KAT6A: variants seen among roughly 807,000 people sequenced by gnomAD.
The protein encoded by KAT6A is histone acetyltransferase KAT6A.
A neutral mutation model predicts 198.4 loss-of-function variants in KAT6A; 9 were observed. The observed-to-expected ratio is 0.05, with a 90% CI of 0.03 to 0.08. The LOEUF (loss-of-function observed/expected upper bound fraction) is 0.08, where lower values mean the gene tolerates loss of function less well. KAT6A is among the 10% of genes least tolerant of loss of function. KAT6A has a pLI of 1.00. For synonymous variants in KAT6A, 890 were observed against 883.0 expected, an observed-to-expected ratio of 1.01 and a Z score of -0.14; for missense variants, 2,077 against 2,509.9, an observed-to-expected ratio of 0.83 and a Z score of 3.69.
At chr8:41,974,104 G>GTC (rs1254191728) in intron 8 of KAT6A, among the ~76,000 whole-genome samples, 1 of 151,664 alleles carries the variant, frequency 6.6e-6, no homozygotes, top group Non-Finnish European at 1.5e-5. Context: ...GGAAGACAGG[G>GTC]TCTCACTCTG....
intron 2 of KAT6A, among the ~76,000 whole-genome samples, chr8:41,989,218 T>C (rs528802326): frequency 1.4e-4 from 21 of 152,154 alleles, no homozygotes; most frequent in African/African-American, 5.1e-4. Flanking sequence ...AGCTTAAAAA[T>C]GCTTATGTAG....
At chr8:42,003,036 T>C (rs1043948184) in intron 2 of KAT6A, among the ~76,000 whole-genome samples, 8 of 152,182 alleles carry the variant, frequency 5.3e-5, no homozygotes, top group African/African-American at 1.9e-4. Context: ...GGCCTTATGA[T>C]GTGGGGCTCA....
intron 2 of KAT6A, among the ~76,000 whole-genome samples, chr8:42,036,244 G>A (rs951271696): frequency 9.2e-5 from 14 of 151,958 alleles, no homozygotes; most frequent in African/African-American, 2.9e-4. Flanking sequence ...TCAAGCAGAG[G>A]GCAGAGCTCA....
At chr8:42,038,834 CTTTT>C (rs1039986674) in intron 2 of KAT6A, among the ~76,000 whole-genome samples, 1 of 151,538 alleles carries the variant, frequency 6.6e-6, no homozygotes, top group Non-Finnish European at 1.5e-5. Context: ...CCTTAGCAGT[CTTTT>C]TTTTTCTTTA....
intron 2 of KAT6A, among the ~76,000 whole-genome samples, chr8:42,025,478 T>C (rs1449776720): frequency 6.6e-6 from 1 of 152,142 alleles, no homozygotes; most frequent in East Asian, 1.9e-4. Context: ...CCTCCCAAAG[T>C]GCTGGGATTA....
In KAT6A at chr8:41,936,140, T is replaced by C. The variant is rs571502461; in HGVS notation, c.3352+1116A>G. Among the ~76,000 whole-genome samples, 6 of 152,266 alleles carry C rather than the reference T, an allele frequency of 3.9e-5. No homozygotes were observed. In the South Asian group the frequency reaches 1.2e-3, roughly 32 times the overall value. ...AGCCAGGCATGGTGGCGTGCACCTATAATCCCAACTACTTGGGATGCTGAG... is the reference window on the plus strand; with the variant it reads ...AGCCAGGCATGGTGGCGTGCACCTACAATCCCAACTACTTGGGATGCTGAG... On this transcript the variant is annotated intron_variant, in intron 16 of 16. Coordinates refer to ENST00000265713, the MANE Select transcript of KAT6A (RefSeq NM_006766.5).
At chr8:42,018,885 C>T (rs542728094) in intron 2 of KAT6A, among the ~76,000 whole-genome samples, 39 of 152,274 alleles carry the variant, frequency 2.6e-4, no homozygotes, top group Admixed American at 2.4e-3. Context: ...CGCACCACTG[C>T]ACTCCAGCCT....
chr8:41,935,733 G>C (rs1821818245), intron 16 of KAT6A, among the ~76,000 whole-genome samples: 1 of 152,158 alleles, frequency 6.6e-6, no homozygotes, highest in Non-Finnish European at 1.5e-5. Flanking sequence ...ACAGTTAGTA[G>C]TAGTAACTTG....
chr8:41,977,532 T>C (rs748558898), intron 6 of KAT6A: 4 of 457,850 alleles, frequency 8.7e-6, no homozygotes, highest in Non-Finnish European at 1.5e-5. Flanking sequence ...AGCCTACTTA[T>C]AGTGCAAAGA....
chr8:42,009,304 T>A (rs979701343), intron 2 of KAT6A, among the ~76,000 whole-genome samples: 1 of 152,114 alleles, frequency 6.6e-6, no homozygotes, highest in Non-Finnish European at 1.5e-5. Context: ...AAGGTAATGC[T>A]ATTAGTTTAT....
rs1298969437 is a variant in KAT6A, at chr8:41,932,190, G to C, written c.*15C>G. ...TTTATATATATTTAAGTTTTTGATT[G>C]CAAGTTCATCTTGCTCATCTTCTCA... On this transcript the variant is annotated 3_prime_UTR_variant, in exon 17 of 17. Coordinates refer to ENST00000265713, the MANE Select transcript of KAT6A (RefSeq NM_006766.5). The C allele has an allele frequency of 2.6e-6, 4 of 1,527,902 alleles. No individual in the cohort carries two copies. Among genetic ancestry groups the C allele is most frequent in the Middle Eastern group, 3.8e-4 (2 of 5,288 alleles). 94.6% of individuals were successfully genotyped at this position (1,527,902 alleles called of 1,614,324 possible).
At chr8:41,945,421 C>G (rs1049718043) in intron 12 of KAT6A, among the ~76,000 whole-genome samples, 3 of 151,862 alleles carry the variant, frequency 2.0e-5, no homozygotes, top group Admixed American at 6.6e-5. Flanking sequence ...CAGGCGCCCA[C>G]CACCACACCC....
At chr8:42,039,864 G>C (rs1278206042) in intron 2 of KAT6A, among the ~76,000 whole-genome samples, 1 of 150,948 alleles carries the variant, frequency 6.6e-6, no homozygotes, top group African/African-American at 2.4e-5. Flanking sequence ...CTCCCAAGTA[G>C]CTGGGACTAC....
rs772274754 is a variant in KAT6A, at chr8:41,943,037, T to C, written c.2229-37A>G. The C allele has an allele frequency of 9.3e-6, 15 of 1,610,964 alleles. No individual in the cohort carries two copies. The African/African-American group carries it at 2.0e-4, about 22-fold the overall frequency. On this transcript the variant is annotated intron_variant, in intron 13 of 16. Transcript: ENST00000265713. ...GAAAAGTTTATAGCAATCAACAATG[T>C]ACAAGGTGTACATAAAAATGAATGT...
At chr8:41,956,824 A>G (rs187670066) in intron 8 of KAT6A, among the ~76,000 whole-genome samples, 1 of 152,374 alleles carries the variant, frequency 6.6e-6, no homozygotes. Context: ...TTCATTTCTC[A>G]AAACCCAAAC....
chr8:42,040,337 C>T (rs1313754352), intron 2 of KAT6A, among the ~76,000 whole-genome samples: 2 of 152,084 alleles, frequency 1.3e-5, no homozygotes, highest in East Asian at 3.9e-4. Flanking sequence ...TTGTGGTACC[C>T]GATGTCTTCA....
intron 5 of KAT6A, among the ~76,000 whole-genome samples, chr8:41,980,497 C>T (rs1230419370): frequency 6.6e-6 from 1 of 152,092 alleles, no homozygotes; most frequent in Non-Finnish European, 1.5e-5. Flanking sequence ...TCAACACGAC[C>T]TAATACTATT....
Position 41,943,955 on chromosome 8 carries a change from C to T in KAT6A, c.2021G>A (p.Gly674Asp), listed in dbSNP as rs1822262276. The T allele has an allele frequency of 6.2e-7, 1 of 1,613,756 alleles. No homozygotes were observed. The highest frequency in any genetic ancestry group is 1.7e-5 in the Admixed American group (1 of 60,006). ...DFSYLLSKRE[G>D]QAGSPEKPLS... is the part of the protein sequence containing the mutation. The stretch of plus-strand genomic sequence containing the variant: ...CGGTTTCTCTGGAGACCCTGCTTGG[C>T]CTTCACGCTTTGATAACAAATAACC... The change falls in exon 13 of 17, where the codon GGC becomes GAC. Residue 674 changes from glycine to aspartate, a missense_variant. Around this residue, in one of 13 missense-constraint regions of KAT6A, gnomAD observed 127 missense variants for 209.6 expected, o/e 0.61. Transcript: ENST00000265713.
intron 14 of KAT6A, 83 bp from the exon 15 acceptor site, chr8:41,941,527 G>A: frequency 7.1e-7 from 1 of 1,400,880 alleles, no homozygotes; most frequent in Non-Finnish European, 9.5e-7. Flanking sequence ...TTTAAGTATT[G>A]AGAGAAGAAA....
Sources: allele counts gnomAD v4.1 joint callset (sites outside exome capture counted in the v4.1 genomes callset), GRCh38; gene constraint gnomAD v4.1.1; regional missense constraint gnomAD v4.1.1; transcripts MANE v1.5; gene names NCBI Gene and HGNC (gene_info 2026-07-23, HGNC 2026-07-21).